The following RCBTB1 variants were observed in gnomAD, a reference collection of about 807,000 sequenced individuals.
The protein encoded by RCBTB1 is RCC1 and BTB domain-containing protein 1.
Under a neutral mutation model 62.4 loss-of-function variants are expected in RCBTB1, and 46 were observed. That is an observed-to-expected ratio of 0.74 (90% CI 0.58 to 0.94). The LOEUF is 0.94. RCBTB1 is among the 40% of genes least tolerant of loss of function. RCBTB1 has a pLI of 0.00. For missense variants in RCBTB1, 565 were observed against 654.9 expected (o/e 0.86, Z 1.50); for synonymous variants, 222 against 245.8 (o/e 0.90, Z 0.91).
At chr13:49,551,289 GCA>G in intron 8 of RCBTB1, 35 bp downstream of exon 8, 15 of 1,607,550 alleles carry the variant, frequency 9.3e-6, no homozygotes, top group Non-Finnish European at 1.2e-5. Flanking sequence ...AGGCCACATC[GCA>G]CACACAGTCC....
At chr13:49,567,947 A>G (rs1364149804) in intron 2 of RCBTB1, among the ~76,000 whole-genome samples, 1 of 152,208 alleles carries the variant, frequency 6.6e-6, no homozygotes, top group African/African-American at 2.4e-5. Flanking sequence ...AAGATTTGAC[A>G]GGGGAGTAAT....
At chr13:49,537,347 T>C (rs1038962303) in intron 12 of RCBTB1, among the ~76,000 whole-genome samples, 2 of 152,230 alleles carry the variant, frequency 1.3e-5, no homozygotes, top group Non-Finnish European at 2.9e-5. Context: ...TTCTACCATA[T>C]GGAGAAAACA....
At chr13:49,566,542 G>T in intron 4 of RCBTB1, 76 bp downstream of exon 4, 1 of 1,373,424 alleles carries the variant, frequency 7.3e-7, no homozygotes, top group Non-Finnish European at 1.0e-6. Context: ...ATCTGGTATA[G>T]CCCTATCTCC....
intron 12 of RCBTB1, 73 bp downstream of exon 12, chr13:49,540,803 C>A: frequency 6.6e-7 from 1 of 1,518,032 alleles, no homozygotes; most frequent in Non-Finnish European, 8.9e-7. Flanking sequence ...TTCCATGCCT[C>A]ACGCAAGAAG....
intron 12 of RCBTB1, among the ~76,000 whole-genome samples, chr13:49,535,900 G>A (rs551124620): frequency 1.3e-5 from 2 of 152,070 alleles, no homozygotes; most frequent in South Asian, 4.2e-4. Flanking sequence ...GCAAGCACCT[G>A]TAATCCCAGC....
chr13:49,583,075 T>A (rs562105207), intron 1 of RCBTB1, among the ~76,000 whole-genome samples: 1 of 151,086 alleles, frequency 6.6e-6, no homozygotes, highest in East Asian at 1.9e-4. Context: ...TACTTGGGAG[T>A]GGGGAGGATC....
chr13:49,564,468 C>T (rs1478396250), intron 4 of RCBTB1, among the ~76,000 whole-genome samples: 1 of 150,132 alleles, frequency 6.7e-6, no homozygotes, highest in Non-Finnish European at 1.5e-5. Flanking sequence ...CGTCTGTGGT[C>T]TCAGCTACTC....
At chr13:49,565,826 G>A (rs566242009) in intron 4 of RCBTB1, among the ~76,000 whole-genome samples, 1 of 152,082 alleles carries the variant, frequency 6.6e-6, no homozygotes, top group Non-Finnish European at 1.5e-5. Context: ...ATAGAAAAGG[G>A]GGAAATGTGG....
At chr13:49,571,173 C>G (rs1247679056) in intron 2 of RCBTB1, among the ~76,000 whole-genome samples, 2 of 152,072 alleles carry the variant, frequency 1.3e-5, no homozygotes, top group African/African-American at 4.8e-5. Context: ...ATGGAGAAAC[C>G]CTGTCTCTAC....
At chr13:49,536,159 G>A (rs1260232309) in intron 12 of RCBTB1, among the ~76,000 whole-genome samples, 2 of 152,120 alleles carry the variant, frequency 1.3e-5, no homozygotes, top group Non-Finnish European at 2.9e-5. Context: ...TTGAACTACT[G>A]AGGTATCTGG....
intron 1 of RCBTB1, among the ~76,000 whole-genome samples, chr13:49,582,430 T>C (rs1024248970): frequency 4.6e-5 from 7 of 152,138 alleles, no homozygotes; most frequent in Non-Finnish European, 7.3e-5. Flanking sequence ...GAGGTTGCAG[T>C]GAGCCAAGAT....
intron 8 of RCBTB1, 186 bp downstream of exon 8, chr13:49,551,140 G>A: frequency 3.5e-6 from 2 of 565,078 alleles, no homozygotes; most frequent in Non-Finnish European, 3.0e-6. Flanking sequence ...GAGGGAGAAG[G>A]GGGAAGGGGG....
At chr13:49,540,541 A>T (rs145870790) in intron 12 of RCBTB1, among the ~76,000 whole-genome samples, 138 of 152,370 alleles carry the variant, frequency 9.1e-4, no homozygotes, top group African/African-American at 3.3e-3. Flanking sequence ...CTCGAAATAA[A>T]CACATATGCT....
Position 49,551,481 on chromosome 13 carries a change from T to C in RCBTB1, c.712-13A>G, listed in dbSNP as rs758630299. ...AACCGCAGACAATCTGCAAGTAAAT[T>C]GAAACGGTTACCATTAGCAGGAAAA... is the stretch of plus-strand genomic sequence containing the variant. On this transcript the variant is annotated splice_polypyrimidine_tract_variant and intron_variant, in intron 7 of 12. Transcript: ENST00000378302. 1.2e-6 allele frequency: 2 copies of C among 1,613,584 alleles called. No homozygotes were observed. The highest frequency in any genetic ancestry group is 3.3e-5 in the Admixed American group (2 of 59,950).
At chr13:49,549,763 C>T in intron 8 of RCBTB1, 115 bp from the exon 9 acceptor site, 2 of 1,451,292 alleles carry the variant, frequency 1.4e-6, no homozygotes, top group Non-Finnish European at 9.1e-7. Context: ...AGTCCAAGTT[C>T]CAGGGACACT....
At chr13:49,570,237 A>T (rs1250689735) in intron 2 of RCBTB1, among the ~76,000 whole-genome samples, 1 of 152,224 alleles carries the variant, frequency 6.6e-6, no homozygotes, top group Non-Finnish European at 1.5e-5. Flanking sequence ...TCATTAAACA[A>T]ATATGGGCAA....
At chr13:49,542,339 A>G (rs1466419759) in intron 10 of RCBTB1, among the ~76,000 whole-genome samples, 1 of 152,330 alleles carries the variant, frequency 6.6e-6, no homozygotes, top group East Asian at 1.9e-4. Flanking sequence ...CCTTTTACAT[A>G]CACTCACTTT....
chr13:49,581,458 G>A (rs142026884), intron 1 of RCBTB1, among the ~76,000 whole-genome samples: 534 of 152,328 alleles, frequency 3.5e-3, no homozygotes, highest in African/African-American at 0.012. Context: ...GGGGTGATGA[G>A]TCCTACTATG....
At chr13:49,559,866 A>AT in intron 5 of RCBTB1, 52 bp downstream of exon 5, 1 of 1,538,824 alleles carries the variant, frequency 6.5e-7, no homozygotes, top group South Asian at 1.2e-5. Flanking sequence ...TGTTAAGTGT[A>AT]TTTACTATGA....
Sources: allele counts gnomAD v4.1 joint callset (sites outside exome capture counted in the v4.1 genomes callset), GRCh38; gene constraint gnomAD v4.1.1; transcripts MANE v1.5; gene names NCBI Gene and HGNC (gene_info 2026-07-23, HGNC 2026-07-21).